Variants in CAST observed in about 807,000 individuals in gnomAD.
CAST encodes the protein calpastatin, also known as MIR583 host.
In CAST, 76 loss-of-function variants were observed where a neutral mutation model predicts 119.6. That is an observed-to-expected ratio of 0.64 (90% CI 0.53 to 0.77). The LOEUF is 0.77. Ranked by LOEUF, CAST falls within the 30% of genes least tolerant of loss-of-function variation. CAST has a pLI of 0.00. For synonymous variants in CAST, 319 were observed against 331.6 expected, an observed-to-expected ratio of 0.96 and a Z score of 0.41; for missense variants, 953 against 946.5, an observed-to-expected ratio of 1.01 and a Z score of -0.09.
At chr5:96,626,779 A>G (rs952157402) in intron 1 of CAST, among the ~76,000 whole-genome samples, 62 of 152,304 alleles carry the variant, frequency 4.1e-4, no homozygotes, top group African/African-American at 1.3e-3. Context: ...AGCAGAAACT[A>G]TGTTATCAGG....
At chr5:96,207,635 C>T in the CAST span, among the ~76,000 whole-genome samples, 2 of 151,992 alleles carry the variant, frequency 1.3e-5, no homozygotes, top group African/African-American at 2.4e-5. Flanking sequence ...CCTTGCATTC[C>T]AGGGATAAAG....
chr5:96,766,281 A>C (rs1242058916), intron 27 of CAST, 136 bp downstream of exon 27: 1 of 569,108 alleles, frequency 1.8e-6, no homozygotes, highest in African/African-American at 1.9e-5. Context: ...CTAATGTGTC[A>C]CCAAAGCCGA....
chr5:95,985,160 T>A, the CAST span, among the ~76,000 whole-genome samples: 1 of 152,064 alleles, frequency 6.6e-6, no homozygotes, highest in Non-Finnish European at 1.5e-5. Context: ...ACAAAATTTT[T>A]AAAATTAGCT....
chr5:96,566,529 C>G (rs985709008), intron 1 of CAST, among the ~76,000 whole-genome samples: 6 of 152,192 alleles, frequency 3.9e-5, no homozygotes, highest in African/African-American at 1.4e-4. Context: ...TAGGAATCTG[C>G]AAAGATGGAG....
At chr5:96,654,385 A>C (rs113606398) in intron 1 of CAST, among the ~76,000 whole-genome samples, 16 of 151,870 alleles carry the variant, frequency 1.1e-4, no homozygotes, top group African/African-American at 3.6e-4. Context: ...TTCCTCATTT[A>C]TGCTTCCTAT....
chr5:96,392,965 G>A, the CAST span: 8 of 1,609,084 alleles, frequency 5.0e-6, no homozygotes, highest in Non-Finnish European at 6.8e-6. Context: ...TAAGGAAGAA[G>A]CATGAATATT....
the CAST span, among the ~76,000 whole-genome samples, chr5:96,291,393 A>T: frequency 1.3e-5 from 2 of 152,222 alleles, no homozygotes; most frequent in African/African-American, 4.8e-5. Context: ...AATGTGTACA[A>T]ATTCTCTTTG....
chr5:96,006,943 T>G, the CAST span, among the ~76,000 whole-genome samples: 2 of 152,338 alleles, frequency 1.3e-5, no homozygotes, highest in Admixed American at 1.3e-4. Context: ...TAGCTAAATA[T>G]CTAAGCTTTA....
the CAST span, among the ~76,000 whole-genome samples, chr5:96,069,512 C>G: frequency 1.3e-5 from 2 of 151,712 alleles, no homozygotes; most frequent in Non-Finnish European, 2.9e-5. Context: ...GAGACAGGGT[C>G]TTGCTCTGTC....
chr5:96,205,031 T>A, the CAST span, among the ~76,000 whole-genome samples: 1 of 152,116 alleles, frequency 6.6e-6, no homozygotes, highest in East Asian at 1.9e-4. Context: ...AATTCAAGTC[T>A]TCTCAAACAA....
chr5:95,997,334 G>A, the CAST span, among the ~76,000 whole-genome samples: 3 of 152,136 alleles, frequency 2.0e-5, no homozygotes, highest in Non-Finnish European at 4.4e-5. Flanking sequence ...CCTCCTCTCT[G>A]TGACACTATC....
At chr5:96,495,079 C>A in the CAST span, among the ~76,000 whole-genome samples, 2 of 146,250 alleles carry the variant, frequency 1.4e-5, no homozygotes, top group Non-Finnish European at 3.0e-5. Flanking sequence ...GATCGGAGAT[C>A]GCACCATTGC....
intron 1 of CAST, among the ~76,000 whole-genome samples, chr5:96,554,621 C>A (rs573522539): frequency 6.6e-6 from 1 of 152,246 alleles, no homozygotes; most frequent in South Asian, 2.1e-4. Flanking sequence ...AACAGGCAAC[C>A]TACAGAATGG....
intron 3 of CAST, among the ~76,000 whole-genome samples, chr5:96,705,419 A>C (rs555930614): frequency 6.6e-6 from 1 of 152,174 alleles, no homozygotes; most frequent in South Asian, 2.1e-4. Context: ...TCCAATTTTT[A>C]AGGCCACTTT....
intron 1 of CAST, among the ~76,000 whole-genome samples, chr5:96,563,640 T>C (rs1380963192): frequency 7.2e-6 from 1 of 137,938 alleles, no homozygotes; most frequent in East Asian, 2.1e-4. Flanking sequence ...CCATATTACA[T>C]GTATTACTTA....
chr5:96,194,960 G>T, the CAST span, among the ~76,000 whole-genome samples: 1 of 152,182 alleles, frequency 6.6e-6, no homozygotes, highest in African/African-American at 2.4e-5. Flanking sequence ...TACCTTGGAT[G>T]ATAAAAGATT....
the CAST span, chr5:96,412,302 G>C: frequency 3.7e-6 from 6 of 1,609,640 alleles, no homozygotes; most frequent in Non-Finnish European, 5.1e-6. Context: ...ATGTGGGTCT[G>C]TGTAAAGCAT....
At chr5:96,425,024 GAA>G in the CAST span, among the ~76,000 whole-genome samples, 11 of 71,614 alleles carry the variant, frequency 1.5e-4, no homozygotes, top group African/African-American at 5.2e-4. Context: ...AAGAAAGAAA[GAA>G]AGAAAGAAAG....
rs1219755601 is a variant in CAST at position 96,630,857 on chromosome 5, A to G, written c.61-44682A>G. On this transcript the variant is annotated intron_variant, in intron 1 of 11. Transcript: ENST00000505143. ...GAGAAAGAAGGAAAGAAAGAAAGGAAGGAAGGAAGGAAGAAGAAAAGGAAA... is the reference window on the plus strand; with the variant it reads ...GAGAAAGAAGGAAAGAAAGAAAGGAGGGAAGGAAGGAAGAAGAAAAGGAAA... 2.2e-5 allele frequency: 2 copies of G among 92,660 alleles called. 1 individual carries two copies. Among genetic ancestry groups the G allele is most frequent in the African/African-American group, 6.5e-5 (2 of 30,972 alleles). 5.7% of individuals were successfully genotyped at this position (92,660 alleles called of 1,614,324 possible).
Sources: allele counts gnomAD v4.1 joint callset (sites outside exome capture counted in the v4.1 genomes callset), GRCh38; gene constraint gnomAD v4.1.1; transcripts MANE v1.5; gene names NCBI Gene and HGNC (gene_info 2026-07-23, HGNC 2026-07-21).